CREBBP: variants seen among roughly 807,000 people sequenced by gnomAD.
CREBBP encodes the protein CREB-binding protein.
A neutral mutation model predicts 265.0 loss-of-function variants in CREBBP; 19 were observed. That is an observed-to-expected ratio of 0.07 (90% CI 0.05 to 0.11). CREBBP has a LOEUF of 0.11. Ranked by LOEUF, CREBBP falls within the 10% of genes least tolerant of loss-of-function variation. The pLI is 1.00. For synonymous variants in CREBBP, 1,457 were observed against 1,223.7 expected (o/e 1.19, Z -3.98); for missense variants, 2,525 against 3,219.0 (o/e 0.78, Z 5.22).
At chr16:3,758,173 G>GTT in intron 17 of CREBBP, 125 bp from the exon 18 acceptor site, 1 of 973,814 alleles carries the variant, frequency 1.0e-6, no homozygotes, top group Non-Finnish European at 1.5e-6. Flanking sequence ...ATTCCCAACA[G>GTT]TAAGAAATAG....
intron 1 of CREBBP, among the ~76,000 whole-genome samples, chr16:3,872,695 G>A (rs1327427091): frequency 6.6e-6 from 1 of 152,260 alleles, no homozygotes; most frequent in African/African-American, 2.4e-5. Flanking sequence ...GAGCCTAGGA[G>A]AGACGGGACA....
intron 2 of CREBBP, among the ~76,000 whole-genome samples, chr16:3,840,261 T>C (rs1367487480): frequency 1.3e-5 from 2 of 152,168 alleles, no homozygotes; most frequent in Admixed American, 6.5e-5. Context: ...TATTAAATAT[T>C]AGAAATTCCA....
intron 1 of CREBBP, among the ~76,000 whole-genome samples, chr16:3,852,976 A>T (rs2054884688): frequency 6.6e-6 from 1 of 151,998 alleles, no homozygotes; most frequent in Non-Finnish European, 1.5e-5. Context: ...CAAAAAAAAA[A>T]AAAAAGCACA....
At chr16:3,814,658 G>C (rs990754650) in intron 2 of CREBBP, among the ~76,000 whole-genome samples, 7 of 152,236 alleles carry the variant, frequency 4.6e-5, no homozygotes, top group Admixed American at 2.6e-4. Context: ...TCAGATAAGA[G>C]AGTGAAGGAA....
At chr16:3,859,794 C>T (rs1034357381) in intron 1 of CREBBP, among the ~76,000 whole-genome samples, 5 of 152,162 alleles carry the variant, frequency 3.3e-5, no homozygotes, top group Admixed American at 6.5e-5. Flanking sequence ...CACACCTGGA[C>T]GGGGCAAAAA....
At chr16:3,771,178 C>T (rs1258443017) in intron 13 of CREBBP, among the ~76,000 whole-genome samples, 192 bp from the exon 14 acceptor site, 1 of 152,140 alleles carries the variant, frequency 6.6e-6, no homozygotes, top group Non-Finnish European at 1.5e-5. Context: ...AAGCAATTCT[C>T]CTGTCTCAGC....
chr16:3,864,482 A>C (rs1402324953), intron 1 of CREBBP, among the ~76,000 whole-genome samples: 2 of 151,586 alleles, frequency 1.3e-5, no homozygotes, highest in East Asian at 3.9e-4. Context: ...CGGTCTCTAC[A>C]AAAAAAAGTA....
Position 3,778,057 on chromosome 16 carries a change from C to T in CREBBP, c.2067G>A (p.Gly689=), listed in dbSNP as rs762541030. ...CCTGTGGAATCACAGGGGGCTGAGC[C>T]CCCGGGGCTGGTAAGGCTGGCTGGT... ...LGNQPALPAP[G]AQPPVIPQAQ... Residue 689 remains glycine, a synonymous_variant, in exon 10 of 31, where the codon GGG becomes GGA. Coordinates refer to ENST00000262367, the MANE Select transcript of CREBBP (RefSeq NM_004380.3). 16 of 1,614,092 alleles carry T rather than the reference C, an allele frequency of 9.9e-6. No homozygotes were observed. In the South Asian group the frequency reaches 1.5e-4, roughly 16 times the overall value.
Position 3,879,986 on chromosome 16 carries a change from G to A in CREBBP, c.-70C>T. 2 of 1,468,036 alleles carry A rather than the reference G, an allele frequency of 1.4e-6. No homozygotes were observed. Among genetic ancestry groups the A allele is most frequent in the South Asian group, 1.2e-5 (1 of 82,204 alleles). The allele number at this position is 1,468,036 out of a possible 1,614,324, so 90.9% of individuals were successfully genotyped here. Reference sequence around the variant, plus strand: ...CGGCGAGGGCCCGGACGGGGGTCGGGGGCCCTGCCGGCTGCGAGGGAGAGG... The same window carrying A: ...CGGCGAGGGCCCGGACGGGGGTCGGAGGCCCTGCCGGCTGCGAGGGAGAGG... On this transcript the variant is annotated 5_prime_UTR_variant, in exon 1 of 31. Coordinates refer to ENST00000262367, the MANE Select transcript of CREBBP (RefSeq NM_004380.3).
chr16:3,874,679 A>C (rs931178492), intron 1 of CREBBP, among the ~76,000 whole-genome samples: 3 of 152,244 alleles, frequency 2.0e-5, no homozygotes, highest in Admixed American at 6.5e-5. Context: ...GAGTGGTCCA[A>C]CTGTAGCCCC....
Position 3,745,264 on chromosome 16 carries a change from G to T in CREBBP, c.3914+13C>A. On this transcript the variant is annotated intron_variant, in intron 22 of 30. Transcript: ENST00000262367. ...GTGCAGAACTGCCCTCCAGGCCAGG[G>T]GAAACAACTCACCCTGAAGGCCAAA... 6.2e-7 allele frequency: 1 copy of T among 1,612,292 alleles called. No individual in the cohort carries two copies. Among genetic ancestry groups the T allele is most frequent in the Non-Finnish European group, 8.5e-7 (1 of 1,179,060 alleles).
rs2141183054 is a variant in CREBBP, at chr16:3,767,850, C to G, written c.3120G>C (p.Glu1040Asp). The G allele has an allele frequency of 6.2e-7, 1 of 1,614,210 alleles. No individual in the cohort carries two copies. The highest frequency in any genetic ancestry group is 8.5e-7 in the Non-Finnish European group (1 of 1,180,034). ...SQVKEETDIA[E>D]QKSEPMEVDE... ...CCACTTCCATTGGTTCTGATTTCTG[C>G]TCTGCTATGTCTGTTTCTTCTTTAA... Residue 1040 changes from glutamate (E) to aspartate (D), a missense_variant, in exon 16 of 31, where the codon GAG (glutamate) becomes GAC (aspartate). Physicochemically the swap from Glu to Asp is conservative, Grantham distance 45. This residue lies in a region of CREBBP where 548 missense variants were observed against 533.0 expected (regional missense o/e 1.03). Coordinates refer to ENST00000262367, the MANE Select transcript of CREBBP (RefSeq NM_004380.3).
intron 5 of CREBBP, chr16:3,791,127 A>G (rs531222562): frequency 1.2e-4 from 18 of 152,738 alleles, no homozygotes; most frequent in African/African-American, 4.1e-4. Flanking sequence ...CAGAGGGGAC[A>G]GGAGACTGAA....
chr16:3,732,631 G>C (rs2051946923), intron 28 of CREBBP, among the ~76,000 whole-genome samples: 1 of 152,232 alleles, frequency 6.6e-6, no homozygotes, highest in Admixed American at 6.5e-5. Flanking sequence ...TGTCATCTTG[G>C]GTTCAAGTGA....
At chr16:3,764,281 T>C (rs1447568219) in intron 16 of CREBBP, among the ~76,000 whole-genome samples, 2 of 150,838 alleles carry the variant, frequency 1.3e-5, no homozygotes, top group Non-Finnish European at 2.9e-5. Flanking sequence ...CAAGAAAAAA[T>C]ATTCTTTATT....
intron 2 of CREBBP, among the ~76,000 whole-genome samples, chr16:3,827,305 A>C (rs988581200): frequency 2.0e-5 from 3 of 152,234 alleles, no homozygotes; most frequent in Admixed American, 1.3e-4. Flanking sequence ...AAAATTTAAA[A>C]AACTCAGAAC....
intron 16 of CREBBP, among the ~76,000 whole-genome samples, chr16:3,766,765 AAGCCTCCCATCTC>A (rs1567295080): frequency 1.3e-5 from 2 of 152,150 alleles, no homozygotes; most frequent in Non-Finnish European, 2.9e-5. Context: ...AGCATCAAGC[AAGCCTCCCATCTC>A]AGCCTCCCAA....
At chr16:3,834,056 C>T (rs1387453607) in intron 2 of CREBBP, among the ~76,000 whole-genome samples, 1 of 152,166 alleles carries the variant, frequency 6.6e-6, no homozygotes, top group African/African-American at 2.4e-5. Flanking sequence ...ATGCAAATGA[C>T]AACAATGGGA....
rs2051715361 is a variant in CREBBP at position 3,725,355 on chromosome 16, A to T, written c.*2363T>A. 1 of 233,218 alleles carries T rather than the reference A, an allele frequency of 4.3e-6. No homozygotes were observed. Among genetic ancestry groups the T allele is most frequent in the Non-Finnish European group, 8.5e-6 (1 of 118,068 alleles). The allele number at this position is 233,218 out of a possible 1,614,324, so 14.4% of individuals were successfully genotyped here. ...ACGTTTTGAATTCCAGGATAACCTG[A>T]AACAGAGGCCCCTCCACTGCCCACA... On this transcript the variant is annotated 3_prime_UTR_variant, in exon 31 of 31. Transcript: ENST00000262367.
Sources: gnomAD v4.1 joint callset for allele counts (sites outside exome capture counted in the v4.1 genomes callset) on GRCh38, gnomAD v4.1.1 for gene constraint, gnomAD v4.1.1 regional missense constraint, MANE v1.5 for transcripts, NCBI Gene and HGNC (gene_info 2026-07-23, HGNC 2026-07-21) for gene names.